Variants in CSMD1 observed in about 807,000 individuals in gnomAD.
CSMD1 encodes CUB and Sushi multiple domains 1.
Under a neutral mutation model 417.5 loss-of-function variants are expected in CSMD1, and 213 were observed. That is an observed-to-expected ratio of 0.51 (90% CI 0.46 to 0.57). CSMD1 has a LOEUF of 0.57. Ranked by LOEUF, CSMD1 falls within the 20% of genes least tolerant of loss-of-function variation. CSMD1 has a pLI of 0.00. For missense variants in CSMD1, 6,923 were observed against 4,529.7 expected (o/e 1.53, Z -15.17); for synonymous variants, 2,862 against 1,736.8 (o/e 1.65, Z -16.11).
Position 3,069,777 on chromosome 8 carries a change from C to G in CSMD1, c.7475-17130G>C, listed in dbSNP as rs73657554. On this transcript the variant is annotated intron_variant, in intron 49 of 69. Transcript: ENST00000635120. Reference sequence around the variant, plus strand: ...CCACTAAGCAGTGCCCCATTGGAGACTCTGCATGGGGTTTCAACCCCACAT... The same window carrying G: ...CCACTAAGCAGTGCCCCATTGGAGAGTCTGCATGGGGTTTCAACCCCACAT... Among the ~76,000 whole-genome samples the G allele has an allele frequency of 1.8e-3, 267 of 152,302 alleles. 1 individual carries two copies. The highest frequency in any genetic ancestry group is 6.3e-3 in the African/African-American group (261 of 41,570).
intron 1 of CSMD1, among the ~76,000 whole-genome samples, chr8:4,738,444 A>C (rs1225699076): frequency 6.6e-6 from 1 of 152,126 alleles, no homozygotes; most frequent in African/African-American, 2.4e-5. Flanking sequence ...GCCCCTTATA[A>C]AACCATCAGA....
intron 3 of CSMD1, among the ~76,000 whole-genome samples, chr8:4,230,533 C>T (rs1403580797): frequency 1.3e-5 from 2 of 152,088 alleles, no homozygotes; most frequent in Non-Finnish European, 2.9e-5. Context: ...AGTTTTTAGG[C>T]CAGTTGCTCA....
At chr8:3,121,857 A>C (rs758397516) in intron 41 of CSMD1, among the ~76,000 whole-genome samples, 3 of 152,168 alleles carry the variant, frequency 2.0e-5, no homozygotes, top group Admixed American at 6.5e-5. Flanking sequence ...TGCCTAATTA[A>C]CAAGATCAGT....
At position 3,148,919 on chromosome 8, in the gene CSMD1, T is replaced by C. The variant is rs1819015936; in HGVS notation, c.6031+2478A>G. Among the ~76,000 whole-genome samples the C allele has an allele frequency of 2.0e-5, 3 of 152,252 alleles. No homozygotes were observed. The South Asian group carries it at 6.2e-4, about 31-fold the overall frequency. ...ATAACAAATTATTCTGAAGCTTACC[T>C]ACATCTATTCTAAAAAGCTAGGGAT... On this transcript the variant is annotated intron_variant, in intron 40 of 69. Transcript: ENST00000635120.
intron 47 of CSMD1, among the ~76,000 whole-genome samples, chr8:3,092,403 G>T (rs1476841364): frequency 1.3e-5 from 2 of 151,998 alleles, no homozygotes; most frequent in African/African-American, 4.8e-5. Flanking sequence ...ATCTGTGGAC[G>T]ATAGATACAC....
chr8:4,637,549 C>T lies in CSMD1; in HGVS notation c.95G>A (p.Cys32Tyr). The T allele has an allele frequency of 1.9e-6, 3 of 1,608,536 alleles. No individual in the cohort carries two copies. The highest frequency in any genetic ancestry group is 1.7e-6 in the Non-Finnish European group (2 of 1,176,694). ...RLLTAAKGQN[C>Y]GGLVQGPNGT... ...ATTGGGACCCTGGACTAAGCCTCCA[C>T]AGTTCTGACCTGGAAGAGAAAACAC... The change falls in exon 2 of 70, where the codon TGT becomes TAT. Residue 32 changes from cysteine to tyrosine, a missense_variant. Physicochemically the swap from Cys to Tyr is radical, Grantham distance 194. Transcript: ENST00000635120.
At chr8:4,609,442 T>C (rs34169770) in intron 2 of CSMD1, among the ~76,000 whole-genome samples, 4,963 of 152,240 alleles carry the variant, frequency 0.033, 184 homozygotes, top group East Asian at 0.18. Flanking sequence ...TAAAGCCTCA[T>C]TCCTAGCTGG....
At chr8:4,194,879 G>C (rs1416487230) in intron 3 of CSMD1, among the ~76,000 whole-genome samples, 2 of 152,056 alleles carry the variant, frequency 1.3e-5, no homozygotes, top group African/African-American at 4.8e-5. Context: ...TCATTGGTCA[G>C]CCACATAATT....
chr8:4,273,284 G>A (rs529711656), intron 3 of CSMD1, among the ~76,000 whole-genome samples: 6 of 152,220 alleles, frequency 3.9e-5, no homozygotes, highest in African/African-American at 1.4e-4. Context: ...AAATGAATGT[G>A]AGTATATGTA....
chr8:3,851,161 G>A (rs879370528), intron 5 of CSMD1, among the ~76,000 whole-genome samples: 4 of 152,140 alleles, frequency 2.6e-5, no homozygotes, highest in African/African-American at 7.2e-5. Flanking sequence ...TTTGTGACAG[G>A]ATATATTATG....
chr8:3,372,848 G>C (rs925054801), intron 18 of CSMD1, among the ~76,000 whole-genome samples: 1 of 152,168 alleles, frequency 6.6e-6, no homozygotes, highest in Admixed American at 6.5e-5. Context: ...ACCAGTGGCA[G>C]TGAATGTAGA....
intron 5 of CSMD1, among the ~76,000 whole-genome samples, chr8:3,953,797 A>G (rs1265367091): frequency 6.6e-6 from 1 of 152,000 alleles, no homozygotes; most frequent in Non-Finnish European, 1.5e-5. Flanking sequence ...AACACCTCAG[A>G]GCTATACAGC....
chr8:4,226,830 A>C (rs1200602602), intron 3 of CSMD1, among the ~76,000 whole-genome samples: 1 of 152,240 alleles, frequency 6.6e-6, no homozygotes, highest in African/African-American at 2.4e-5. Context: ...GTTGAAATGC[A>C]AATGCAAATG....
chr8:3,387,192 A>G (rs1313752943), intron 18 of CSMD1, among the ~76,000 whole-genome samples: 4 of 152,178 alleles, frequency 2.6e-5, no homozygotes, highest in Non-Finnish European at 4.4e-5. Context: ...TGGCGACTAT[A>G]CCGCCCCACG....
rs1279645064 is a variant in CSMD1, at chr8:3,367,188, T to A, written c.2959A>T (p.Thr987Ser). The A allele has an allele frequency of 6.2e-7, 1 of 1,613,522 alleles. No individual in the cohort carries two copies. Among genetic ancestry groups the A allele is most frequent in the Non-Finnish European group, 8.5e-7 (1 of 1,179,782 alleles). Residue 987 changes from threonine to serine, a missense_variant, in exon 20 of 70, where the codon ACA becomes TCA. Coordinates refer to ENST00000635120, the MANE Select transcript of CSMD1 (RefSeq NM_033225.6). ...LESSHDYLLI[T>S]EDGSFSEPVA... ...GGCTCGGAAAAACTTCCATCCTCTG[T>A]GATCAGTAAATAGTCGTGGGAACTC...
At chr8:3,595,624 C>G (rs745510285) in intron 8 of CSMD1, among the ~76,000 whole-genome samples, 4 of 152,104 alleles carry the variant, frequency 2.6e-5, no homozygotes, top group African/African-American at 7.2e-5. Context: ...CAACAGTAAG[C>G]TTGGAGTGAT....
At chr8:4,534,272 G>A (rs1049686327) in intron 2 of CSMD1, among the ~76,000 whole-genome samples, 5 of 152,286 alleles carry the variant, frequency 3.3e-5, no homozygotes, top group African/African-American at 4.8e-5. Context: ...GGACGCCCAA[G>A]GATGCTCAAG....
chr8:4,915,091 T>C (rs1028386241), intron 1 of CSMD1, among the ~76,000 whole-genome samples: 1 of 152,184 alleles, frequency 6.6e-6, no homozygotes, highest in South Asian at 2.1e-4. Context: ...AGATGTAATA[T>C]GGTCAGGCCG....
chr8:4,095,329 A>G (rs1225100788), intron 3 of CSMD1, among the ~76,000 whole-genome samples: 1 of 152,218 alleles, frequency 6.6e-6, no homozygotes, highest in African/African-American at 2.4e-5. Context: ...CATTTGCCAC[A>G]TTAGCAGCTT....
Sources: gnomAD v4.1 joint callset for allele counts (sites outside exome capture counted in the v4.1 genomes callset) on GRCh38, gnomAD v4.1.1 for gene constraint, MANE v1.5 for transcripts, NCBI Gene and HGNC (gene_info 2026-07-23, HGNC 2026-07-21) for gene names.